Variants in RPS6KC1 observed in about 807,000 individuals in gnomAD.
RPS6KC1 encodes ribosomal protein S6 kinase C1, also known as inactive ribosomal protein S6 kinase delta-1.
RPS6KC1 carries 54 observed loss-of-function variants against 103.8 expected under a neutral mutation model. That is an observed-to-expected ratio of 0.52 (90% confidence interval 0.42 to 0.65). The LOEUF (loss-of-function observed/expected upper bound fraction) is 0.65. Among genes scored for constraint, RPS6KC1 ranks in the 30% least tolerant of loss-of-function variants. The probability of loss-of-function intolerance (pLI) is 0.00; values close to 1 mark genes in which losing one functional copy is unlikely to be tolerated. For synonymous variants in RPS6KC1, 439 were observed against 438.7 expected, an observed-to-expected ratio of 1.00 and a Z score of -0.01; for missense variants, 1,151 against 1,253.8, an observed-to-expected ratio of 0.92 and a Z score of 1.24.
At chr1:213,308,926 G>A in the RPS6KC1 span, among the ~76,000 whole-genome samples, 1 of 152,190 alleles carries the variant, frequency 6.6e-6, no homozygotes, top group African/African-American at 2.4e-5. Flanking sequence ...TGTCAGTAGT[G>A]ATTAGAGAAC....
chr1:213,454,154 G>C, the RPS6KC1 span, among the ~76,000 whole-genome samples: 1 of 151,282 alleles, frequency 6.6e-6, no homozygotes, highest in East Asian at 1.9e-4. Context: ...ACATGGGGGG[G>C]GTCAGCATTC....
chr1:213,083,141 G>C (rs1416102630), intron 3 of RPS6KC1, among the ~76,000 whole-genome samples: 1 of 152,166 alleles, frequency 6.6e-6, no homozygotes, highest in East Asian at 1.9e-4. Context: ...GGACTGACAA[G>C]CAGAAAAGCA....
the RPS6KC1 span, among the ~76,000 whole-genome samples, chr1:213,377,740 C>T: frequency 3.3e-5 from 5 of 152,154 alleles, no homozygotes; most frequent in African/African-American, 1.2e-4. Flanking sequence ...TGCTACATGT[C>T]TGATTGGGGG....
At chr1:213,475,320 G>A in the RPS6KC1 span, among the ~76,000 whole-genome samples, 1 of 152,114 alleles carries the variant, frequency 6.6e-6, no homozygotes, top group Non-Finnish European at 1.5e-5. Context: ...CCAGAAGCTC[G>A]ACTTTTCTTC....
intron 1 of RPS6KC1, among the ~76,000 whole-genome samples, chr1:213,060,979 C>CTG (rs1255981297): frequency 6.6e-6 from 1 of 151,780 alleles, no homozygotes; most frequent in East Asian, 1.9e-4. Flanking sequence ...AGTCCAAGAC[C>CTG]AAGAGGCCAG....
intron 6 of RPS6KC1, among the ~76,000 whole-genome samples, chr1:213,156,741 A>G (rs980182079): frequency 4.6e-5 from 7 of 152,216 alleles, no homozygotes; most frequent in African/African-American, 1.7e-4. Context: ...TTCTATACCC[A>G]ATGAAAATAT....
chr1:213,170,765 T>A (rs1167109110), intron 7 of RPS6KC1, among the ~76,000 whole-genome samples: 2 of 152,224 alleles, frequency 1.3e-5, no homozygotes, highest in Non-Finnish European at 2.9e-5. Flanking sequence ...CATCCTTGAT[T>A]ATTTTCTCAT....
the RPS6KC1 span, among the ~76,000 whole-genome samples, chr1:213,683,842 C>A: frequency 6.6e-6 from 1 of 152,066 alleles, no homozygotes; most frequent in Non-Finnish European, 1.5e-5. Context: ...CAGAGCCAGC[C>A]TCCCTCCCTC....
chr1:213,447,073 A>T, the RPS6KC1 span, among the ~76,000 whole-genome samples: 2 of 145,462 alleles, frequency 1.4e-5, no homozygotes, highest in Non-Finnish European at 3.0e-5. Flanking sequence ...TGATGCCAGT[A>T]TTTTTTTTTT....
chr1:213,836,325 T>A, the RPS6KC1 span, among the ~76,000 whole-genome samples: 2 of 152,110 alleles, frequency 1.3e-5, no homozygotes, highest in African/African-American at 4.8e-5. Flanking sequence ...TTCCAAATGA[T>A]GTTTTTGAAT....
At chr1:213,561,890 A>T in the RPS6KC1 span, among the ~76,000 whole-genome samples, 19 of 152,238 alleles carry the variant, frequency 1.2e-4, no homozygotes, top group Non-Finnish European at 5.9e-5. Flanking sequence ...CGAACTTTCC[A>T]GATTAAAGTA....
the RPS6KC1 span, among the ~76,000 whole-genome samples, chr1:213,477,779 G>A: frequency 0.05 from 7,564 of 152,110 alleles, 609 homozygotes; most frequent in African/African-American, 0.17. Flanking sequence ...AGAGGTACAG[G>A]GATATCCCCT....
At chr1:213,687,355 C>A in the RPS6KC1 span, among the ~76,000 whole-genome samples, 4 of 151,508 alleles carry the variant, frequency 2.6e-5, no homozygotes, top group Non-Finnish European at 5.9e-5. Flanking sequence ...GGGTTTTAAA[C>A]CTCAGGGTTT....
At chr1:213,209,108 A>G (rs922479431) in intron 8 of RPS6KC1, among the ~76,000 whole-genome samples, 2 of 152,078 alleles carry the variant, frequency 1.3e-5, no homozygotes, top group Non-Finnish European at 2.9e-5. Context: ...TTGGAGGGAT[A>G]CAAACGCATC....
chr1:213,751,935 C>G, the RPS6KC1 span, among the ~76,000 whole-genome samples: 5 of 152,090 alleles, frequency 3.3e-5, no homozygotes, highest in Admixed American at 2.0e-4. Flanking sequence ...GGTTCAAATC[C>G]CAGCACTACC....
chr1:213,071,024 C>T lies in RPS6KC1; in HGVS notation c.124C>T (p.Pro42Ser), dbSNP rs56087470. Residue 42 changes from proline (P) to serine (S), a missense_variant, in exon 2 of 15, where the codon CCA becomes TCA. This residue lies in a region of RPS6KC1 where 959 missense variants were observed against 1,006.3 expected (regional missense o/e 0.95). Transcript: ENST00000366960. ...GTTTTAGGTTGTTTCACGAAGAAAT[C>T]CAGAGGATGTCCAGGAGGTAACATT... ...VTARVVSRRN[P>S]EDVQEIIVWK... 1 of 1,541,840 alleles carries T rather than the reference C, an allele frequency of 6.5e-7. No homozygotes were observed. The highest frequency in any genetic ancestry group is 8.8e-7 in the Non-Finnish European group (1 of 1,133,108).
chr1:213,648,976 C>G, the RPS6KC1 span, among the ~76,000 whole-genome samples: 8 of 152,146 alleles, frequency 5.3e-5, no homozygotes, highest in African/African-American at 1.9e-4. Context: ...AATTCACACT[C>G]TTAGGAACAA....
At chr1:213,143,057 C>T (rs954122521) in intron 6 of RPS6KC1, among the ~76,000 whole-genome samples, 2 of 151,880 alleles carry the variant, frequency 1.3e-5, no homozygotes, top group Non-Finnish European at 2.9e-5. Context: ...CCTTTACTAC[C>T]GTTGTGTAGT....
At chr1:213,653,959 G>C in the RPS6KC1 span, among the ~76,000 whole-genome samples, 222 of 152,322 alleles carry the variant, frequency 1.5e-3, 1 homozygote, top group African/African-American at 5.2e-3. Context: ...GTTTATAGCA[G>C]GGTCAGGACT....
Sources: gnomAD v4.1 joint callset for allele counts (sites outside exome capture counted in the v4.1 genomes callset) on GRCh38, gnomAD v4.1.1 for gene constraint, gnomAD v4.1.1 regional missense constraint, MANE v1.5 for transcripts, NCBI Gene and HGNC (gene_info 2026-07-23, HGNC 2026-07-21) for gene names.